Variants in CDC42BPA observed in about 807,000 individuals in gnomAD.
The protein encoded by CDC42BPA is serine/threonine-protein kinase MRCK alpha.
A neutral mutation model predicts 223.5 loss-of-function variants in CDC42BPA; 80 were observed. The ratio of observed to expected loss-of-function variants is 0.36; its 90% confidence interval spans 0.30 to 0.43. CDC42BPA has a LOEUF of 0.43. Ranked by LOEUF, CDC42BPA falls within the 20% of genes least tolerant of loss-of-function variation. CDC42BPA has a pLI of 1.00. For missense variants in CDC42BPA, 1,743 were observed against 2,099.9 expected, an observed-to-expected ratio of 0.83 and a Z score of 3.32; for synonymous variants, 694 against 718.6, an observed-to-expected ratio of 0.97 and a Z score of 0.55.
chr1:227,316,473 A>G lies in CDC42BPA; in HGVS notation c.178+532T>C, dbSNP rs181086389. Reference sequence around the variant, plus strand: ...TATGTCATTTAATCTTACAAACATAATTTTTGGAAAGTCCATGTTTAGCAG... The same window carrying G: ...TATGTCATTTAATCTTACAAACATAGTTTTTGGAAAGTCCATGTTTAGCAG... On this transcript the variant is annotated intron_variant, in intron 1 of 36. Transcript: ENST00000366766. Among the ~76,000 whole-genome samples the G allele has an allele frequency of 3.4e-3, 512 of 152,298 alleles. 2 individuals carry two copies. Among genetic ancestry groups the G allele is most frequent in the Middle Eastern group, 6.8e-3 (2 of 294 alleles).
chr1:227,026,199 T>A, intron 30 of CDC42BPA, 47 bp from the exon 31 acceptor site: 1 of 991,996 alleles, frequency 1.0e-6, no homozygotes, highest in Non-Finnish European at 1.6e-6. Context: ...TTTTAACTAT[T>A]AAACCCCAAA....
At chr1:227,055,761 T>C (rs1005489982) in intron 21 of CDC42BPA, among the ~76,000 whole-genome samples, 4 of 152,104 alleles carry the variant, frequency 2.6e-5, no homozygotes, top group African/African-American at 4.8e-5. Flanking sequence ...ATAAGAAATA[T>C]CTTTAAGTAA....
At chr1:227,291,987 AT>A (rs35465265) in intron 1 of CDC42BPA, among the ~76,000 whole-genome samples, 26,266 of 147,988 alleles carry the variant, frequency 0.18, 2,550 homozygotes, top group South Asian at 0.25. Flanking sequence ...ATAACAGATA[AT>A]TTTTTTTTTT....
At chr1:227,238,913 C>G (rs1391659863) in intron 2 of CDC42BPA, among the ~76,000 whole-genome samples, 1 of 152,170 alleles carries the variant, frequency 6.6e-6, no homozygotes, top group African/African-American at 2.4e-5. Context: ...CTTCTCAGCA[C>G]TGACAGAACT....
intron 16 of CDC42BPA, among the ~76,000 whole-genome samples, chr1:227,081,713 C>G (rs549376217): frequency 6.6e-6 from 1 of 152,222 alleles, no homozygotes; most frequent in South Asian, 2.1e-4. Flanking sequence ...CTCGGCCTCC[C>G]AAAGTGCTAG....
intron 32 of CDC42BPA, among the ~76,000 whole-genome samples, chr1:227,022,083 T>A (rs1172345900): frequency 2.0e-5 from 3 of 151,910 alleles, no homozygotes; most frequent in Non-Finnish European, 4.4e-5. Flanking sequence ...GTCTAAACAT[T>A]TTAATGTGTT....
intron 4 of CDC42BPA, among the ~76,000 whole-genome samples, chr1:227,195,321 G>C (rs1195423396): frequency 6.6e-6 from 1 of 152,086 alleles, no homozygotes; most frequent in Non-Finnish European, 1.5e-5. Flanking sequence ...AGCTTCCCAA[G>C]TAGCTGGGAT....
At chr1:227,196,478 T>C (rs1670751869) in intron 4 of CDC42BPA, among the ~76,000 whole-genome samples, 1 of 151,566 alleles carries the variant, frequency 6.6e-6, no homozygotes, top group Non-Finnish European at 1.5e-5. Flanking sequence ...TACCTGGGAC[T>C]ACAGGCGCCC....
chr1:227,233,155 G>A (rs970974039), intron 2 of CDC42BPA, among the ~76,000 whole-genome samples: 1 of 152,204 alleles, frequency 6.6e-6, no homozygotes, highest in Admixed American at 6.5e-5. Context: ...GCTGCAGACT[G>A]GAGCTGTTCC....
Position 227,171,555 on chromosome 1 carries a change from T to C in CDC42BPA, c.600-10919A>G, listed in dbSNP as rs149770428. Among the ~76,000 whole-genome samples the C allele has an allele frequency of 3.3e-5, 5 of 152,160 alleles. No individual in the cohort carries two copies. In the East Asian group the frequency reaches 7.8e-4, roughly 24 times the overall value. ...TCACCTGTGCCCAGGAGGTCAAAGC[T>C]GTAGTGAGCCGTGACGATGCCACTA... On this transcript the variant is annotated intron_variant, in intron 5 of 36. Coordinates refer to ENST00000366766, the MANE Select transcript of CDC42BPA (RefSeq NM_001394014.1).
At chr1:227,273,987 G>A (rs1167492210) in intron 1 of CDC42BPA, among the ~76,000 whole-genome samples, 10 of 63,886 alleles carry the variant, frequency 1.6e-4, no homozygotes, top group African/African-American at 6.6e-4. Context: ...TCAAATATTC[G>A]TATACACCAA....
chr1:227,067,228 A>G (rs1677267374), intron 21 of CDC42BPA, among the ~76,000 whole-genome samples: 1 of 152,200 alleles, frequency 6.6e-6, no homozygotes, highest in South Asian at 2.1e-4. Flanking sequence ...GGTGGGTGGC[A>G]GCAGTGGCAG....
chr1:227,085,758 G>A lies in CDC42BPA; in HGVS notation c.2356-4741C>T, dbSNP rs552488577. ...ACACTGATTTGCCTATTGCAAACAA[G>A]AGATTTAAGTTTGTACCTTAGGGTG... On this transcript the variant is annotated intron_variant, in intron 16 of 36. Transcript: ENST00000366766. Among the ~76,000 whole-genome samples, 12 of 152,326 alleles carry A rather than the reference G, an allele frequency of 7.9e-5. No homozygotes were observed. In the South Asian group the frequency reaches 2.5e-3, roughly 32 times the overall value.
At chr1:227,146,673 T>C (rs1660760411) in intron 7 of CDC42BPA, among the ~76,000 whole-genome samples, 1 of 152,122 alleles carries the variant, frequency 6.6e-6, no homozygotes, top group South Asian at 2.1e-4. Flanking sequence ...GTTTCATTAA[T>C]TTGTTCTTGT....
At chr1:227,289,721 G>A (rs140557657) in intron 1 of CDC42BPA, among the ~76,000 whole-genome samples, 3 of 152,082 alleles carry the variant, frequency 2.0e-5, no homozygotes, top group African/African-American at 7.2e-5. Flanking sequence ...CACAAACACT[G>A]TATCATGGCA....
chr1:227,074,518 T>C (rs1401951892), intron 17 of CDC42BPA, among the ~76,000 whole-genome samples, 154 bp from the exon 18 acceptor site: 5 of 152,208 alleles, frequency 3.3e-5, no homozygotes, highest in Non-Finnish European at 5.9e-5. Flanking sequence ...ATACTACCTG[T>C]CAACAACTGG....
At chr1:227,045,737 C>A (rs939427487) in intron 23 of CDC42BPA, among the ~76,000 whole-genome samples, 1 of 152,110 alleles carries the variant, frequency 6.6e-6, no homozygotes, top group African/African-American at 2.4e-5. Flanking sequence ...CTTGAGACTT[C>A]TTGTTCTCAT....
intron 1 of CDC42BPA, among the ~76,000 whole-genome samples, chr1:227,277,811 G>A (rs1025153068): frequency 1.6e-4 from 25 of 152,038 alleles, no homozygotes; most frequent in Admixed American, 1.3e-3. Flanking sequence ...GTGCAGTGGC[G>A]CAATCTCGGC....
At chr1:227,075,000 A>G (rs1393817352) in intron 17 of CDC42BPA, among the ~76,000 whole-genome samples, 1 of 152,182 alleles carries the variant, frequency 6.6e-6, no homozygotes, top group Non-Finnish European at 1.5e-5. Flanking sequence ...CAAATTCCAC[A>G]TTTTAGAATT....
Sources: gnomAD v4.1 joint callset for allele counts (sites outside exome capture counted in the v4.1 genomes callset) on GRCh38, gnomAD v4.1.1 for gene constraint, MANE v1.5 for transcripts, NCBI Gene and HGNC (gene_info 2026-07-23, HGNC 2026-07-21) for gene names.